ADGRB3: variants seen among roughly 807,000 people sequenced by gnomAD.
ADGRB3 encodes adhesion G protein-coupled receptor B3, also known as brain-specific angiogenesis inhibitor 3.
In ADGRB3, 37 loss-of-function variants were observed where a neutral mutation model predicts 193.4. That is an observed-to-expected ratio of 0.19 (90% CI 0.15 to 0.25). ADGRB3 has a LOEUF of 0.25. Ranked by LOEUF, ADGRB3 falls within the 10% of genes least tolerant of loss-of-function variation. ADGRB3 has a pLI of 1.00. For missense variants in ADGRB3, 1,637 were observed against 1,852.9 expected, an observed-to-expected ratio of 0.88 and a Z score of 2.14; for synonymous variants, 690 against 644.2, an observed-to-expected ratio of 1.07 and a Z score of -1.08.
intron 15 of ADGRB3, among the ~76,000 whole-genome samples, chr6:69,060,216 C>A (rs921444244): frequency 1.4e-5 from 2 of 139,256 alleles, no homozygotes; most frequent in African/African-American, 5.5e-5. Context: ...GTCTCTCTCT[C>A]TCTTTCTCTC....
At chr6:69,189,352 A>G (rs1291581166) in intron 17 of ADGRB3, among the ~76,000 whole-genome samples, 1 of 152,196 alleles carries the variant, frequency 6.6e-6, no homozygotes, top group African/African-American at 2.4e-5. Context: ...CATTTATACC[A>G]GCACTTTCAA....
chr6:69,316,048 C>A (rs1213847151), intron 20 of ADGRB3, among the ~76,000 whole-genome samples: 2 of 151,158 alleles, frequency 1.3e-5, no homozygotes, highest in African/African-American at 4.8e-5. Flanking sequence ...TTTATATAAT[C>A]TTTCTGTCAT....
chr6:68,826,510 T>C (rs1349159935), intron 3 of ADGRB3, among the ~76,000 whole-genome samples: 2 of 152,090 alleles, frequency 1.3e-5, no homozygotes, highest in East Asian at 3.9e-4. Context: ...TGGAAGAAAT[T>C]TGGCTTTTAC....
At chr6:69,197,640 C>T (rs970261112) in intron 17 of ADGRB3, among the ~76,000 whole-genome samples, 20 of 151,954 alleles carry the variant, frequency 1.3e-4, no homozygotes, top group Admixed American at 7.9e-4. Flanking sequence ...CTCCTGGATC[C>T]CTTCTGTCAT....
chr6:68,786,280 G>GT (rs1562029131), intron 3 of ADGRB3, among the ~76,000 whole-genome samples: 34 of 152,028 alleles, frequency 2.2e-4, no homozygotes, highest in Non-Finnish European at 4.3e-4. Context: ...GGTTTTTATG[G>GT]TTTGAGGTCT....
At chr6:69,261,927 T>A (rs969258667) in intron 20 of ADGRB3, among the ~76,000 whole-genome samples, 4 of 152,074 alleles carry the variant, frequency 2.6e-5, no homozygotes, top group Non-Finnish European at 5.9e-5. Flanking sequence ...AATTTAGGTC[T>A]AATTTATGAT....
intron 26 of ADGRB3, among the ~76,000 whole-genome samples, chr6:69,343,526 T>C (rs927753768): frequency 2.6e-5 from 4 of 152,142 alleles, no homozygotes; most frequent in Non-Finnish European, 5.9e-5. Flanking sequence ...AATGATTTAC[T>C]CTGTCCTGCC....
chr6:68,986,684 C>T (rs906555958), intron 10 of ADGRB3, among the ~76,000 whole-genome samples: 1 of 152,046 alleles, frequency 6.6e-6, no homozygotes, highest in Non-Finnish European at 1.5e-5. Context: ...TAGATTGTTG[C>T]TTTATGAAAA....
At chr6:69,102,045 C>G (rs1385537956) in intron 17 of ADGRB3, among the ~76,000 whole-genome samples, 1 of 151,892 alleles carries the variant, frequency 6.6e-6, no homozygotes, top group African/African-American at 2.4e-5. Context: ...GGCGTGGTGG[C>G]GGACGCCTGT....
chr6:68,809,703 A>G (rs1052787988), intron 3 of ADGRB3, among the ~76,000 whole-genome samples: 2 of 152,200 alleles, frequency 1.3e-5, no homozygotes, highest in African/African-American at 4.8e-5. Flanking sequence ...AAAATTGCCA[A>G]TATTGATGAA....
At chr6:68,730,911 G>A (rs73745827) in intron 3 of ADGRB3, among the ~76,000 whole-genome samples, 4,879 of 151,690 alleles carry the variant, frequency 0.032, 135 homozygotes, top group African/African-American at 0.072. Context: ...TAGCACTGAT[G>A]CCTGCTTGGA....
intron 3 of ADGRB3, among the ~76,000 whole-genome samples, chr6:68,781,376 T>C (rs1766849345): frequency 6.6e-6 from 1 of 152,154 alleles, no homozygotes; most frequent in African/African-American, 2.4e-5. Flanking sequence ...AGCTAACTTG[T>C]TCCTTCACAA....
intron 3 of ADGRB3, among the ~76,000 whole-genome samples, chr6:68,665,285 G>A (rs1279788125): frequency 6.6e-6 from 1 of 151,102 alleles, no homozygotes; most frequent in Admixed American, 6.6e-5. Context: ...TTGGGGTCAT[G>A]GTATTTTCAT....
In ADGRB3 at chr6:68,955,983, T is replaced by A. The variant is rs779580570; in HGVS notation, c.1196-41T>A. On this transcript the variant is annotated intron_variant, in intron 6 of 31. Coordinates refer to ENST00000370598, the MANE Select transcript of ADGRB3 (RefSeq NM_001704.3). ...GTACTTTCTGTACAGCTTGTCCTAT[T>A]GGAAGATATCCTCATGCTGTCTCTT... is the stretch of plus-strand genomic sequence containing the variant. The A allele has an allele frequency of 1.9e-6, 3 of 1,597,096 alleles. No homozygotes were observed. In the East Asian group the frequency reaches 6.7e-5, roughly 36 times the overall value.
chr6:69,051,702 A>G (rs1771397735), intron 15 of ADGRB3, among the ~76,000 whole-genome samples: 1 of 152,188 alleles, frequency 6.6e-6, no homozygotes, highest in African/African-American at 2.4e-5. Context: ...TAACTGCACC[A>G]ATTATAGGTC....
Position 69,118,448 on chromosome 6 carries a change from G to A in ADGRB3, c.2480+42410G>A, listed in dbSNP as rs560474062. ...AGAGATAAAGTCTCAGGCTACCAGA[G>A]TAAAGGCCCAGGTACACCAGACAAT... is the stretch of plus-strand genomic sequence containing the variant. On this transcript the variant is annotated intron_variant, in intron 17 of 31. Transcript: ENST00000370598. 9.1e-4 allele frequency among the ~76,000 whole-genome samples: 111 copies of A among 122,178 alleles called. 1 individual carries two copies. In the South Asian group the frequency reaches 0.03, roughly 34 times the overall value. 80.2% of individuals were successfully genotyped at this position (122,178 alleles called of 152,430 possible).
chr6:69,126,543 G>A (rs980361525), intron 17 of ADGRB3, among the ~76,000 whole-genome samples: 15 of 152,128 alleles, frequency 9.9e-5, no homozygotes, highest in African/African-American at 1.4e-4. Context: ...AAGAGAAGAC[G>A]GGTGTCCCAT....
intron 3 of ADGRB3, among the ~76,000 whole-genome samples, chr6:68,674,296 T>C (rs902854723): frequency 3.3e-5 from 5 of 152,174 alleles, no homozygotes; most frequent in African/African-American, 1.2e-4. Context: ...CGTAACATGA[T>C]TTTAAAAGCT....
At chr6:68,696,429 TA>T (rs1010411924) in intron 3 of ADGRB3, among the ~76,000 whole-genome samples, 19 of 147,638 alleles carry the variant, frequency 1.3e-4, no homozygotes, top group African/African-American at 2.2e-4. Flanking sequence ...TTCTAAAAAT[TA>T]AAAAAAAAAC....
Sources: allele counts gnomAD v4.1 joint callset (sites outside exome capture counted in the v4.1 genomes callset), GRCh38; gene constraint gnomAD v4.1.1; transcripts MANE v1.5; gene names NCBI Gene and HGNC (gene_info 2026-07-23, HGNC 2026-07-21).